SOX6: variants seen among roughly 807,000 people sequenced by gnomAD.
SOX6 encodes the protein transcription factor SOX-6.
Under a neutral mutation model 97.8 loss-of-function variants are expected in SOX6, and 11 were observed. The observed-to-expected ratio is 0.11, with a 90% CI of 0.07 to 0.19. SOX6 has a LOEUF of 0.19. Among genes scored for constraint, SOX6 ranks in the 10% least tolerant of loss-of-function variants. The pLI is 1.00. For missense variants in SOX6, 810 were observed against 1,039.5 expected, an observed-to-expected ratio of 0.78 and a Z score of 3.04; for synonymous variants, 360 against 371.4, an observed-to-expected ratio of 0.97 and a Z score of 0.35.
At chr11:16,466,738 G>A (rs572558351) in intron 1 of SOX6, among the ~76,000 whole-genome samples, 99 of 150,572 alleles carry the variant, frequency 6.6e-4, no homozygotes, top group Non-Finnish European at 1.1e-3. Flanking sequence ...AGACCATCCC[G>A]GCTAAAACGG....
intron 3 of SOX6, among the ~76,000 whole-genome samples, chr11:16,614,371 C>T (rs544565535): frequency 6.6e-6 from 1 of 152,252 alleles, no homozygotes; most frequent in African/African-American, 2.4e-5. Context: ...GTCTCCGAGA[C>T]GAGAATTGCG....
At chr11:16,328,194 G>C (rs563018022) in intron 2 of SOX6, among the ~76,000 whole-genome samples, 2 of 152,100 alleles carry the variant, frequency 1.3e-5, no homozygotes, top group South Asian at 4.2e-4. Flanking sequence ...CCAAAAGAAA[G>C]CCCAAACCCT....
chr11:16,023,828 T>C (rs1855140626), intron 12 of SOX6, among the ~76,000 whole-genome samples: 1 of 152,190 alleles, frequency 6.6e-6, no homozygotes, highest in Non-Finnish European at 1.5e-5. Context: ...CTAGGGAAGA[T>C]AATCCTGGTA....
chr11:16,160,383 G>A (rs1057095483), intron 6 of SOX6, among the ~76,000 whole-genome samples: 1 of 152,170 alleles, frequency 6.6e-6, no homozygotes, highest in African/African-American at 2.4e-5. Context: ...CAAACTACAG[G>A]AGCTGACAGA....
chr11:16,562,988 A>C (rs1847832319), intron 4 of SOX6, among the ~76,000 whole-genome samples: 2 of 152,224 alleles, frequency 1.3e-5, no homozygotes, highest in Non-Finnish European at 2.9e-5. Flanking sequence ...CAAAAGAACC[A>C]GAGTGTCATA....
At chr11:16,735,588 G>T (rs1848385321) in intron 2 of SOX6, among the ~76,000 whole-genome samples, 1 of 152,150 alleles carries the variant, frequency 6.6e-6, no homozygotes. Context: ...TGGCACAGTG[G>T]AAAGTGCACT....
At chr11:16,224,521 A>G (rs1852627974) in intron 4 of SOX6, among the ~76,000 whole-genome samples, 1 of 152,038 alleles carries the variant, frequency 6.6e-6, no homozygotes, top group Admixed American at 6.6e-5. Flanking sequence ...TTGTGTCTCT[A>G]ACCCCAAGTG....
Position 16,209,270 on chromosome 11 carries a change from TG to T in SOX6, c.536-22316del, listed in dbSNP as rs566298626. On this transcript the variant is annotated intron_variant, in intron 4 of 15. Coordinates refer to ENST00000683767, the MANE Select transcript of SOX6 (RefSeq NM_001367873.1). ...TATAAGTGGACAAAAGCTATAAAAA[TG>T]AAAGCTTTTCGGGGGTCTTCATTAG... is the stretch of plus-strand genomic sequence containing the variant. Among the ~76,000 whole-genome samples, 3 of 152,280 alleles carry T rather than the reference TG, an allele frequency of 2.0e-5. No individual in the cohort carries two copies. The South Asian group carries it at 6.2e-4, about 32-fold the overall frequency.
chr11:16,674,189 C>CAAAAAAAAAAAA (rs61516612), intron 3 of SOX6, among the ~76,000 whole-genome samples: 4 of 76,312 alleles, frequency 5.2e-5, no homozygotes, highest in East Asian at 4.4e-4. Context: ...GACTCCATCT[C>CAAAAAAAAAAAA]AAAAAAAAAA....
intron 2 of SOX6, among the ~76,000 whole-genome samples, chr11:16,335,374 T>C (rs1856425639): frequency 1.3e-5 from 2 of 152,154 alleles, no homozygotes; most frequent in Non-Finnish European, 2.9e-5. Context: ...TTATGGACTT[T>C]TTTCCAGTGC....
In SOX6 at chr11:16,517,239, A is replaced by C. The variant is rs1017648674; in HGVS notation, n.610-40851T>G. Among the ~76,000 whole-genome samples the C allele has an allele frequency of 6.6e-5, 10 of 151,868 alleles. 1 individual carries two copies. Among genetic ancestry groups the C allele is most frequent in the African/African-American group, 2.2e-4 (9 of 41,318 alleles). ...CCAATATCATACTGAATGGGCAAAA[A>C]CTGGAAGCATTCCCTTTGAAAACTG... On this transcript the variant is annotated intron_variant and non_coding_transcript_variant, in intron 4 of 5. Coordinates refer to the SOX6 transcript ENST00000524520.
chr11:16,551,230 A>G (rs1165279002), intron 4 of SOX6, among the ~76,000 whole-genome samples: 1 of 152,182 alleles, frequency 6.6e-6, no homozygotes, highest in African/African-American at 2.4e-5. Flanking sequence ...ACACACCTGT[A>G]GTTCCAGCTA....
rs760720887 is a variant in SOX6 at position 16,328,501 on chromosome 11, T to C, written c.238-9848A>G. ...GGCTCCCACCACTAACTATACCCCA[T>C]CCTTCCTTGGTATGCAGTGCATTTA... On this transcript the variant is annotated intron_variant, in intron 2 of 15. Coordinates refer to ENST00000683767, the MANE Select transcript of SOX6 (RefSeq NM_001367873.1). Among the ~76,000 whole-genome samples the C allele has an allele frequency of 2.6e-5, 4 of 152,192 alleles. No homozygotes were observed. In the South Asian group the frequency reaches 8.3e-4, roughly 31 times the overall value.
At chr11:16,443,704 TG>T (rs1859554689) in intron 1 of SOX6, among the ~76,000 whole-genome samples, 2 of 152,222 alleles carry the variant, frequency 1.3e-5, no homozygotes, top group South Asian at 4.1e-4. Context: ...CAATATGTAG[TG>T]TCTATATTTT....
At chr11:16,352,962 G>A (rs951824454) in intron 1 of SOX6, among the ~76,000 whole-genome samples, 4 of 152,062 alleles carry the variant, frequency 2.6e-5, no homozygotes, top group African/African-American at 9.7e-5. Context: ...GTTCACTGCA[G>A]TTTTTACACA....
At chr11:16,145,503 C>T (rs1850267857) in intron 6 of SOX6, among the ~76,000 whole-genome samples, 1 of 152,210 alleles carries the variant, frequency 6.6e-6, no homozygotes, top group African/African-American at 2.4e-5. Context: ...CTGGCCAGGG[C>T]AATCAGGCAG....
intron 2 of SOX6, among the ~76,000 whole-genome samples, chr11:16,321,898 T>C (rs1855939512): frequency 6.6e-6 from 1 of 152,096 alleles, no homozygotes; most frequent in African/African-American, 2.4e-5. Flanking sequence ...ACCTAACAAA[T>C]ATTAACCTTT....
chr11:16,321,128 C>T (rs527308421), intron 2 of SOX6, among the ~76,000 whole-genome samples: 20 of 152,190 alleles, frequency 1.3e-4, no homozygotes, highest in African/African-American at 4.6e-4. Flanking sequence ...ATATATTTGT[C>T]AAAGCCATTT....
intron 1 of SOX6, among the ~76,000 whole-genome samples, chr11:16,415,293 A>G (rs1858903782): frequency 6.6e-6 from 1 of 151,930 alleles, no homozygotes; most frequent in Non-Finnish European, 1.5e-5. Context: ...ACAGAAAGAT[A>G]AATACTACAT....
Sources: gnomAD v4.1 joint callset for allele counts (sites outside exome capture counted in the v4.1 genomes callset) on GRCh38, gnomAD v4.1.1 for gene constraint, MANE v1.5 for transcripts, NCBI Gene and HGNC (gene_info 2026-07-23, HGNC 2026-07-21) for gene names.